Variants in PPP1R9A observed in about 807,000 individuals in gnomAD.
The protein encoded by PPP1R9A is neurabin-1.
In PPP1R9A, 59 loss-of-function variants were observed where a neutral mutation model predicts 141.9. That is an observed-to-expected ratio of 0.42 (90% CI 0.34 to 0.52). The LOEUF (loss-of-function observed/expected upper bound fraction) is 0.52, where lower values mean the gene tolerates loss of function less well. Among genes scored for constraint, PPP1R9A ranks in the 20% least tolerant of loss-of-function variants. The probability of loss-of-function intolerance (pLI) is 0.10; values close to 1 mark genes in which losing one functional copy is unlikely to be tolerated. For missense variants in PPP1R9A, 1,444 were observed against 1,611.9 expected, an observed-to-expected ratio of 0.90 and a Z score of 1.78; for synonymous variants, 500 against 569.7, an observed-to-expected ratio of 0.88 and a Z score of 1.74.
intron 6 of PPP1R9A, chr7:95,202,699 C>A: frequency 2.2e-6 from 1 of 448,536 alleles, no homozygotes; most frequent in Non-Finnish European, 2.9e-6. Context: ...CATACTCCAC[C>A]ACTATCAGTT....
chr7:95,162,834 G>A (rs1830640345), intron 5 of PPP1R9A, among the ~76,000 whole-genome samples: 1 of 152,164 alleles, frequency 6.6e-6, no homozygotes, highest in Admixed American at 6.5e-5. Flanking sequence ...CATGATTTAA[G>A]TTTTAGACTT....
intron 12 of PPP1R9A, among the ~76,000 whole-genome samples, chr7:95,253,858 A>G (rs1799222332): frequency 6.6e-6 from 1 of 152,194 alleles, no homozygotes; most frequent in African/African-American, 2.4e-5. Flanking sequence ...TAGTTTATAT[A>G]TAATAAATAC....
At chr7:95,202,817 C>A (rs1789873604) in intron 6 of PPP1R9A, among the ~76,000 whole-genome samples, 1 of 151,978 alleles carries the variant, frequency 6.6e-6, no homozygotes, top group Non-Finnish European at 1.5e-5. Flanking sequence ...TGAAATGCTG[C>A]AGGCTTAGAC....
Position 95,106,456 on chromosome 7 carries a change from C to T in PPP1R9A, c.1396-4803C>T, listed in dbSNP as rs140800192. ...ATCTGCAGCATGCTCTTCAGCTTAA[C>T]GATGTATGTATCTTGGGGTCTTCCA... is the stretch of plus-strand genomic sequence containing the variant. On this transcript the variant is annotated intron_variant, in intron 2 of 19. Coordinates refer to ENST00000433360, the MANE Select transcript of PPP1R9A (RefSeq NM_001166160.2). Among the ~76,000 whole-genome samples the T allele has an allele frequency of 1.4e-4, 21 of 152,164 alleles. No individual in the cohort carries two copies. In the East Asian group the frequency reaches 3.3e-3, roughly 24 times the overall value.
intron 2 of PPP1R9A, among the ~76,000 whole-genome samples, chr7:94,922,319 G>C (rs1364244500): frequency 6.6e-6 from 1 of 151,892 alleles, no homozygotes; most frequent in African/African-American, 2.4e-5. Flanking sequence ...GTAGTTTTCA[G>C]TTTGGTAGGT....
intron 2 of PPP1R9A, among the ~76,000 whole-genome samples, chr7:95,060,903 C>T (rs558077411): frequency 1.3e-5 from 2 of 152,254 alleles, no homozygotes; most frequent in East Asian, 1.9e-4. Flanking sequence ...GTAAGTATTC[C>T]GTTAATCCCA....
In PPP1R9A at chr7:95,269,258, A is replaced by G; in HGVS notation, c.2875A>G (p.Lys959Glu). The change falls in exon 14 of 20, where the codon AAG becomes GAG. Residue 959 changes from lysine to glutamate, a missense_variant. Physicochemically the swap from Lys to Glu is moderately conservative, Grantham distance 56. Coordinates refer to ENST00000433360, the MANE Select transcript of PPP1R9A (RefSeq NM_001166160.2). ...GCATATTACCAAATTACTTCCACCT[A>G]AGGGTTTGAGAACGTCTTCTCCAGA... ...HMHITKLLPP[K>E]GLRTSSPESD... 6.4e-7 allele frequency: 1 copy of G among 1,571,680 alleles called. No homozygotes were observed. Among genetic ancestry groups the G allele is most frequent in the South Asian group, 1.1e-5 (1 of 90,374 alleles).
chr7:94,962,382 C>T (rs1797733073), intron 2 of PPP1R9A, among the ~76,000 whole-genome samples: 1 of 151,782 alleles, frequency 6.6e-6, no homozygotes, highest in Non-Finnish European at 1.5e-5. Flanking sequence ...ATTGGATTGT[C>T]AGTTGAAATT....
chr7:95,206,977 C>A (rs767047687), intron 7 of PPP1R9A, among the ~76,000 whole-genome samples: 6 of 151,794 alleles, frequency 4.0e-5, no homozygotes, highest in Non-Finnish European at 8.8e-5. Context: ...AGTGTCAAAC[C>A]TTGGGTGCTG....
chr7:95,278,688 T>C (rs1360069383), intron 16 of PPP1R9A, among the ~76,000 whole-genome samples: 1 of 152,162 alleles, frequency 6.6e-6, no homozygotes. Flanking sequence ...AAAAGTAAAT[T>C]GAATAGGGAA....
At chr7:95,040,582 C>T (rs550501007) in intron 2 of PPP1R9A, among the ~76,000 whole-genome samples, 1 of 151,944 alleles carries the variant, frequency 6.6e-6, no homozygotes, top group Non-Finnish European at 1.5e-5. Flanking sequence ...TGTTATTTTC[C>T]TCTCGTTTCT....
intron 4 of PPP1R9A, among the ~76,000 whole-genome samples, chr7:95,123,999 G>C (rs1823099414): frequency 1.3e-5 from 2 of 152,140 alleles, no homozygotes; most frequent in South Asian, 4.1e-4. Context: ...AAACTTTAGA[G>C]TTTTTATAAT....
intron 2 of PPP1R9A, among the ~76,000 whole-genome samples, chr7:95,061,261 C>G (rs1289932998): frequency 6.6e-6 from 1 of 152,076 alleles, no homozygotes; most frequent in East Asian, 1.9e-4. Context: ...CTATGGAAAT[C>G]TATAGGAAGT....
At chr7:95,210,892 C>G (rs556590832) in intron 7 of PPP1R9A, among the ~76,000 whole-genome samples, 1 of 151,986 alleles carries the variant, frequency 6.6e-6, no homozygotes, top group Non-Finnish European at 1.5e-5. Context: ...CAAATTAACA[C>G]AGGAACAGAA....
At chr7:95,057,084 TC>T (rs1158873415) in intron 2 of PPP1R9A, among the ~76,000 whole-genome samples, 1 of 152,174 alleles carries the variant, frequency 6.6e-6, no homozygotes, top group African/African-American at 2.4e-5. Context: ...ATTTATGACT[TC>T]ATCAGAAGCC....
intron 2 of PPP1R9A, among the ~76,000 whole-genome samples, chr7:94,943,767 C>T (rs993698025): frequency 6.6e-6 from 1 of 151,964 alleles, no homozygotes; most frequent in Non-Finnish European, 1.5e-5. Context: ...AACAAATAAC[C>T]CTCATTTCTA....
chr7:95,099,046 T>C (rs1464184073), intron 2 of PPP1R9A, among the ~76,000 whole-genome samples: 1 of 152,206 alleles, frequency 6.6e-6, no homozygotes, highest in Non-Finnish European at 1.5e-5. Context: ...GTCCTCTCCA[T>C]CTGTTTTCTT....
intron 4 of PPP1R9A, among the ~76,000 whole-genome samples, chr7:95,152,834 C>A (rs894427611): frequency 2.9e-5 from 4 of 137,980 alleles, no homozygotes; most frequent in Non-Finnish European, 6.1e-5. Context: ...TCTACAGCCA[C>A]ACCCTTTTTT....
chr7:95,286,972 T>A, intron 18 of PPP1R9A: 1 of 894,326 alleles, frequency 1.1e-6, no homozygotes, highest in Non-Finnish European at 1.7e-6. Context: ...AAACTTTTTT[T>A]TTTCTTGTAA....
Sources: gnomAD v4.1 joint callset for allele counts (sites outside exome capture counted in the v4.1 genomes callset) on GRCh38, gnomAD v4.1.1 for gene constraint, MANE v1.5 for transcripts, NCBI Gene and HGNC (gene_info 2026-07-23, HGNC 2026-07-21) for gene names.